CDH13: variants seen among roughly 807,000 people sequenced by gnomAD.
CDH13 encodes cadherin 13, also known as cadherin-13.
Under a neutral mutation model 63.8 loss-of-function variants are expected in CDH13, and 24 were observed. The ratio of observed to expected loss-of-function variants is 0.38; its 90% confidence interval spans 0.27 to 0.53. CDH13 has a LOEUF of 0.53. Among genes scored for constraint, CDH13 ranks in the 20% least tolerant of loss-of-function variants. CDH13 has a pLI of 0.85. For missense variants in CDH13, 1,049 were observed against 903.1 expected, an observed-to-expected ratio of 1.16 and a Z score of -2.07; for synonymous variants, 503 against 355.3, an observed-to-expected ratio of 1.42 and a Z score of -4.67.
chr16:83,788,929 A>G (rs61246914), intron 13 of CDH13, among the ~76,000 whole-genome samples: 19,729 of 152,240 alleles, frequency 0.13, 2,134 homozygotes, highest in African/African-American at 0.3. Flanking sequence ...TTCAGCCCCC[A>G]AAAAACAGTT....
rs369793140 is a variant in CDH13 at position 83,282,527 on chromosome 16, G to C, written c.637-62335G>C. Among the ~76,000 whole-genome samples the C allele has an allele frequency of 9.9e-5, 15 of 152,228 alleles. No homozygotes were observed. The East Asian group carries it at 1.5e-3, about 16-fold the overall frequency. Reference sequence around the variant, plus strand: ...CAAAAAATAGTAAATAAAAATATAAGTCACTAAAACCCCTGTCTATTTGGG... The same window carrying C: ...CAAAAAATAGTAAATAAAAATATAACTCACTAAAACCCCTGTCTATTTGGG... On this transcript the variant is annotated intron_variant, in intron 5 of 13. Transcript: ENST00000567109.
At chr16:83,460,735 T>C (rs1421301617) in intron 6 of CDH13, among the ~76,000 whole-genome samples, 1 of 151,990 alleles carries the variant, frequency 6.6e-6, no homozygotes, top group Non-Finnish European at 1.5e-5. Flanking sequence ...GGCTTGCACC[T>C]GTAAACCCAG....
chr16:83,217,114 C>T (rs1193436142), intron 4 of CDH13, among the ~76,000 whole-genome samples: 4 of 152,098 alleles, frequency 2.6e-5, no homozygotes, highest in Admixed American at 2.0e-4. Flanking sequence ...GTATGTCACC[C>T]GAGTGCTGGT....
At chr16:82,889,099 G>A (rs548941144) in intron 2 of CDH13, among the ~76,000 whole-genome samples, 1 of 152,242 alleles carries the variant, frequency 6.6e-6, no homozygotes, top group South Asian at 2.1e-4. Flanking sequence ...CTCTTCAAGT[G>A]GTTATTCCCC....
chr16:83,226,204 C>T (rs145518141), intron 5 of CDH13, among the ~76,000 whole-genome samples: 2 of 152,168 alleles, frequency 1.3e-5, no homozygotes, highest in African/African-American at 4.8e-5. Flanking sequence ...CATTTTATTA[C>T]AACCCGGCCT....
intron 7 of CDH13, among the ~76,000 whole-genome samples, chr16:83,500,876 G>C (rs541385972): frequency 1.6e-4 from 24 of 152,060 alleles, no homozygotes; most frequent in African/African-American, 5.3e-4. Context: ...CACCACAACC[G>C]GCCTAGAGAC....
At chr16:83,450,248 C>G (rs2072848174) in intron 6 of CDH13, among the ~76,000 whole-genome samples, 2 of 152,232 alleles carry the variant, frequency 1.3e-5, no homozygotes, top group Non-Finnish European at 2.9e-5. Context: ...TGGATGTTCT[C>G]TCTTAGCTGC....
chr16:83,453,591 G>A (rs1327416401), intron 6 of CDH13, among the ~76,000 whole-genome samples: 6 of 152,146 alleles, frequency 3.9e-5, no homozygotes, highest in African/African-American at 1.2e-4. Context: ...AGTGGACGGA[G>A]TCAGGGCTGG....
intron 7 of CDH13, among the ~76,000 whole-genome samples, chr16:83,537,081 A>G (rs2150640690): frequency 6.6e-6 from 1 of 152,358 alleles, no homozygotes; most frequent in Middle Eastern, 3.4e-3. Context: ...TTCGAGCAAC[A>G]AGAATGACTT....
Position 83,483,918 on chromosome 16 carries a change from C to T in CDH13, c.782-2559C>T, listed in dbSNP as rs78846434. ...AATGGGAGACAGAGTCATGCTGTTC[C>T]TGCTGTCTTCCAGAGACAGGGGGGC... On this transcript the variant is annotated intron_variant, in intron 6 of 13. Coordinates refer to ENST00000567109, the MANE Select transcript of CDH13 (RefSeq NM_001257.5). Among the ~76,000 whole-genome samples the T allele has an allele frequency of 2.7e-3, 407 of 152,272 alleles. 1 individual carries two copies. Among genetic ancestry groups the T allele is most frequent in the African/African-American group, 9.6e-3 (399 of 41,552 alleles).
intron 1 of CDH13, among the ~76,000 whole-genome samples, chr16:82,732,055 T>C (rs2033432795): frequency 6.6e-6 from 1 of 152,204 alleles, no homozygotes; most frequent in Admixed American, 6.5e-5. Context: ...ATCCCTTCAG[T>C]ACCAAATGAG....
chr16:83,195,668 G>T lies in CDH13; in HGVS notation c.484-21677G>T, dbSNP rs552048839. ...CCTCCAACATTGGGGATTACAATTC[G>T]ACATGAGATTTGGGCAGGCACACAG... On this transcript the variant is annotated intron_variant, in intron 4 of 13. Transcript: ENST00000567109. 2.0e-5 allele frequency among the ~76,000 whole-genome samples: 3 copies of T among 152,072 alleles called. No homozygotes were observed. In the South Asian group the frequency reaches 6.2e-4, roughly 32 times the overall value.
chr16:83,482,055 C>T (rs1038288618), intron 6 of CDH13, among the ~76,000 whole-genome samples: 1 of 152,176 alleles, frequency 6.6e-6, no homozygotes, highest in African/African-American at 2.4e-5. Flanking sequence ...AATCCCATTC[C>T]AGCAAGGACC....
intron 6 of CDH13, among the ~76,000 whole-genome samples, chr16:83,391,654 C>T (rs1389750204): frequency 6.6e-6 from 1 of 152,204 alleles, no homozygotes; most frequent in Non-Finnish European, 1.5e-5. Context: ...AGAGTATCCT[C>T]ACACAGGGTC....
chr16:82,865,646 C>T (rs1033297605), intron 2 of CDH13, among the ~76,000 whole-genome samples: 5 of 152,148 alleles, frequency 3.3e-5, no homozygotes, highest in Non-Finnish European at 7.4e-5. Flanking sequence ...GGCCTCAGGG[C>T]CTGTGATGGG....
chr16:83,169,909 T>C (rs72800268), intron 4 of CDH13, among the ~76,000 whole-genome samples: 24,369 of 152,146 alleles, frequency 0.16, 2,080 homozygotes, highest in South Asian at 0.19. Flanking sequence ...TATGGCTTCA[T>C]ATTCACATCT....
chr16:83,748,408 C>T (rs1912788914), intron 11 of CDH13, among the ~76,000 whole-genome samples, 158 bp downstream of exon 11: 3 of 152,146 alleles, frequency 2.0e-5, no homozygotes, highest in African/African-American at 4.8e-5. Flanking sequence ...ATGTTGAGTT[C>T]AGTAATATCT....
At chr16:83,201,590 G>C (rs1362069895) in intron 4 of CDH13, among the ~76,000 whole-genome samples, 1 of 152,054 alleles carries the variant, frequency 6.6e-6, no homozygotes, top group Non-Finnish European at 1.5e-5. Flanking sequence ...TGGGACCAAG[G>C]CTGAGGAATA....
In CDH13 at chr16:83,221,234, T is replaced by G. The variant is rs193229514; in HGVS notation, c.636+3737T>G. 3.9e-3 allele frequency among the ~76,000 whole-genome samples: 594 copies of G among 152,264 alleles called. 4 individuals are homozygous for G. The highest frequency in any genetic ancestry group is 0.014 in the African/African-American group (562 of 41,548). ...TGCTTACCGGGGCTGGGAAGGGAGT[T>G]TGGCTGGCTGGGTGATCTATTACTT... On this transcript the variant is annotated intron_variant, in intron 5 of 13. Transcript: ENST00000567109.
Sources: allele counts gnomAD v4.1 joint callset (sites outside exome capture counted in the v4.1 genomes callset), GRCh38; gene constraint gnomAD v4.1.1; transcripts MANE v1.5; gene names NCBI Gene and HGNC (gene_info 2026-07-23, HGNC 2026-07-21).